CERT1: variants seen among roughly 807,000 people sequenced by gnomAD.
The protein encoded by CERT1 is ceramide transporter 1.
In CERT1, 31 loss-of-function variants were observed where a neutral mutation model predicts 87.9. The observed-to-expected ratio is 0.35, with a 90% CI of 0.27 to 0.48. The LOEUF (loss-of-function observed/expected upper bound fraction) is 0.48. Ranked by LOEUF, CERT1 falls within the 20% of genes least tolerant of loss-of-function variation. The probability of loss-of-function intolerance (pLI) is 0.99; values close to 1 mark genes in which losing one functional copy is unlikely to be tolerated. For synonymous variants in CERT1, 289 were observed against 250.9 expected, an observed-to-expected ratio of 1.15 and a Z score of -1.44; for missense variants, 487 against 758.0, an observed-to-expected ratio of 0.64 and a Z score of 4.20.
chr5:75,506,144 A>G, intron 1 of CERT1, 28 bp from the exon 2 acceptor site: 1 of 1,599,324 alleles, frequency 6.3e-7, no homozygotes, highest in Non-Finnish European at 8.5e-7. Context: ...AAGGGAAGAG[A>G]GAAGAAAACA....
At chr5:75,388,694 C>T (rs913763350) in intron 12 of CERT1, among the ~76,000 whole-genome samples, 26 of 147,304 alleles carry the variant, frequency 1.8e-4, no homozygotes, top group Non-Finnish European at 3.0e-4. Context: ...GGCACAAACG[C>T]GGCTCATTGC....
chr5:75,435,292 G>T (rs1407649351), intron 3 of CERT1, among the ~76,000 whole-genome samples: 1 of 152,092 alleles, frequency 6.6e-6, no homozygotes, highest in Non-Finnish European at 1.5e-5. Context: ...GTTCTGTTTG[G>T]TTCTTTCCTA....
intron 1 of CERT1, among the ~76,000 whole-genome samples, chr5:75,510,666 C>T (rs1011317748): frequency 6.6e-6 from 1 of 152,166 alleles, no homozygotes; most frequent in Non-Finnish European, 1.5e-5. Context: ...AGCTGAGTCG[C>T]TCCAGCTTCT....
chr5:75,375,465 A>G (rs915912580), downstream of CERT1: 1 of 151,780 alleles, frequency 6.6e-6, no homozygotes, highest in Non-Finnish European at 1.5e-5. Context: ...GTGTGCCTAT[A>G]GTCCCAGCTA....
intron 2 of CERT1, among the ~76,000 whole-genome samples, chr5:75,465,165 CT>C (rs1765407033): frequency 6.6e-6 from 1 of 152,160 alleles, no homozygotes; most frequent in Non-Finnish European, 1.5e-5. Flanking sequence ...AAGTTTTCAA[CT>C]TGCTTTCTAA....
chr5:75,501,185 G>A (rs186489355), intron 2 of CERT1, among the ~76,000 whole-genome samples: 4 of 152,066 alleles, frequency 2.6e-5, no homozygotes. Flanking sequence ...GGGGTTCTAT[G>A]AAGTTTCTTT....
intron 2 of CERT1, chr5:75,505,658 G>A (rs1381908800): frequency 6.1e-6 from 1 of 163,956 alleles, no homozygotes; most frequent in Non-Finnish European, 1.3e-5. Flanking sequence ...CTTACAAGAT[G>A]TATTATTTTT....
chr5:75,416,900 G>A lies in CERT1; in HGVS notation c.813C>T (p.Asp271=), dbSNP rs1160764417. Residue 271 remains aspartate, a synonymous_variant, in exon 7 of 17, where the codon GAC becomes GAT. Coordinates refer to ENST00000643780, the MANE Select transcript of CERT1 (RefSeq NM_001379029.1). Reference sequence around the variant, plus strand: ...CCTTATCCAGTCTCTTCTGCCAGCTGTCCTCACGTTTAACCATTAGTTCAA... The same window carrying A: ...CCTTATCCAGTCTCTTCTGCCAGCTATCCTCACGTTTAACCATTAGTTCAA... ...HCIELMVKRE[D]SWQKRLDKET... 1.9e-6 allele frequency: 3 copies of A among 1,611,156 alleles called. No individual in the cohort carries two copies. The highest frequency in any genetic ancestry group is 1.7e-5 in the Admixed American group (1 of 59,540).
chr5:75,395,947 C>A (rs1169456431), intron 11 of CERT1, among the ~76,000 whole-genome samples: 1 of 152,168 alleles, frequency 6.6e-6, no homozygotes, highest in East Asian at 1.9e-4. Context: ...ACTTTAATTT[C>A]TCAGATCTGG....
At chr5:75,473,445 G>A (rs1048493167) in intron 2 of CERT1, among the ~76,000 whole-genome samples, 1 of 151,748 alleles carries the variant, frequency 6.6e-6, no homozygotes, top group Non-Finnish European at 1.5e-5. Flanking sequence ...TGAATCTGGA[G>A]GGCATTAAAT....
intron 2 of CERT1, among the ~76,000 whole-genome samples, chr5:75,477,367 T>G (rs576826209): frequency 2.1e-4 from 32 of 152,172 alleles, no homozygotes; most frequent in African/African-American, 7.5e-4. Context: ...AACACAGTAA[T>G]AGTCTTTTTT....
intron 2 of CERT1, among the ~76,000 whole-genome samples, chr5:75,491,433 T>A (rs1264453650): frequency 6.6e-6 from 1 of 152,234 alleles, no homozygotes. Context: ...TGTCTAGCCC[T>A]TTAAAGTACT....
rs756579529 is a variant in CERT1, at chr5:75,381,226, C to T, written c.1618-25G>A. The T allele has an allele frequency of 3.7e-6, 6 of 1,613,536 alleles. No homozygotes were observed. The African/African-American group carries it at 8.0e-5, about 22-fold the overall frequency. ...GCTGCCAAAACAAAAAACAAAGCAT[C>T]AGTAGATACCCAGTATTTTGTAAAC... On this transcript the variant is annotated intron_variant, in intron 15 of 16. Coordinates refer to ENST00000643780, the MANE Select transcript of CERT1 (RefSeq NM_001379029.1).
chr5:75,472,826 T>C (rs985088570), intron 2 of CERT1, among the ~76,000 whole-genome samples: 9 of 152,108 alleles, frequency 5.9e-5, no homozygotes, highest in African/African-American at 2.2e-4. Context: ...TGTGAATTAG[T>C]AGAGCCACTA....
intron 3 of CERT1, among the ~76,000 whole-genome samples, chr5:75,452,114 A>G (rs563537082): frequency 6.6e-6 from 1 of 152,314 alleles, no homozygotes; most frequent in South Asian, 2.1e-4. Context: ...AAGTTCATTG[A>G]TGCTTCACAC....
chr5:75,455,117 G>T (rs145473826), intron 3 of CERT1, among the ~76,000 whole-genome samples: 1 of 152,090 alleles, frequency 6.6e-6, no homozygotes, highest in African/African-American at 2.4e-5. Flanking sequence ...AAATAGATGC[G>T]ATGCAATGCC....
At chr5:75,369,689 ACAC>A (rs1708428871) in intron 17 of CERT1, 1 of 152,238 alleles carries the variant, frequency 6.6e-6, no homozygotes, top group African/African-American at 2.4e-5. Flanking sequence ...ATACCCTCAC[ACAC>A]CACCTCATCA....
At chr5:75,480,814 C>G (rs571334106) in intron 2 of CERT1, among the ~76,000 whole-genome samples, 1 of 152,322 alleles carries the variant, frequency 6.6e-6, no homozygotes, top group Non-Finnish European at 1.5e-5. Context: ...ATCTGCAAAT[C>G]TTGTCAGCTT....
chr5:75,369,837 T>G (rs1187244427), intron 17 of CERT1: 1 of 152,224 alleles, frequency 6.6e-6, no homozygotes, highest in African/African-American at 2.4e-5. Flanking sequence ...ATAAAGTAGC[T>G]TCACTTATGG....
Sources: allele counts gnomAD v4.1 joint callset (sites outside exome capture counted in the v4.1 genomes callset), GRCh38; gene constraint gnomAD v4.1.1; transcripts MANE v1.5; gene names NCBI Gene and HGNC (gene_info 2026-07-23, HGNC 2026-07-21).